BCAS3: variants seen among roughly 807,000 people sequenced by gnomAD.
The protein encoded by BCAS3 is BCAS3 microtubule associated cell migration factor, also known as BCAS4/BCAS3 fusion.
In BCAS3, 53 loss-of-function variants were observed where a neutral mutation model predicts 116.1. The observed-to-expected ratio is 0.46, with a 90% confidence interval of 0.37 to 0.57. BCAS3 has a LOEUF of 0.57. Among genes scored for constraint, BCAS3 ranks in the 20% least tolerant of loss-of-function variants. BCAS3 has a pLI of 0.00. For synonymous variants in BCAS3, 391 were observed against 408.2 expected, an observed-to-expected ratio of 0.96 and a Z score of 0.51; for missense variants, 917 against 1,165.4, an observed-to-expected ratio of 0.79 and a Z score of 3.10.
chr17:61,299,383 C>T (rs1346715701), intron 22 of BCAS3, among the ~76,000 whole-genome samples: 1 of 133,772 alleles, frequency 7.5e-6, no homozygotes, highest in Admixed American at 9.1e-5. Flanking sequence ...GCGGAGCTTG[C>T]AGTGAGCTGA....
chr17:61,223,107 T>C lies in BCAS3; in HGVS notation c.2425+138543T>C, dbSNP rs527783102. ...GTTGGTAATTGTGGAATGCATTTCCTACAAATATTAATTTTACTTTCAATA... is the reference window on the plus strand; with the variant it reads ...GTTGGTAATTGTGGAATGCATTTCCCACAAATATTAATTTTACTTTCAATA... On this transcript the variant is annotated intron_variant, in intron 22 of 23. Coordinates refer to ENST00000407086, the MANE Select transcript of BCAS3 (RefSeq NM_017679.5). 3.7e-3 allele frequency among the ~76,000 whole-genome samples: 548 copies of C among 150,024 alleles called. 4 individuals are homozygous for C. Among genetic ancestry groups the C allele is most frequent in the African/African-American group, 0.013 (518 of 40,996 alleles).
At chr17:61,240,894 G>A (rs1216772020) in intron 22 of BCAS3, among the ~76,000 whole-genome samples, 2 of 152,086 alleles carry the variant, frequency 1.3e-5, no homozygotes, top group Non-Finnish European at 2.9e-5. Context: ...AAGGTACCAA[G>A]GGCTGTTATT....
chr17:60,825,747 A>C (rs754754894), intron 7 of BCAS3, among the ~76,000 whole-genome samples: 1 of 151,258 alleles, frequency 6.6e-6, no homozygotes, highest in Non-Finnish European at 1.5e-5. Flanking sequence ...GTTCTCTGCA[A>C]CCTCTTTTGT....
At chr17:60,846,062 G>A (rs1201928241) in intron 7 of BCAS3, among the ~76,000 whole-genome samples, 1 of 151,776 alleles carries the variant, frequency 6.6e-6, no homozygotes, top group African/African-American at 2.4e-5. Flanking sequence ...CTGAGTAGCT[G>A]GGACCGTAGA....
chr17:60,827,054 A>G (rs1639808761), intron 7 of BCAS3, among the ~76,000 whole-genome samples: 1 of 152,224 alleles, frequency 6.6e-6, no homozygotes, highest in South Asian at 2.1e-4. Context: ...CATGGATGAA[A>G]ATATAGAATA....
At chr17:61,157,422 A>G (rs559743661) in intron 22 of BCAS3, 2 of 152,278 alleles carry the variant, frequency 1.3e-5, no homozygotes, top group East Asian at 1.9e-4. Flanking sequence ...CAGGAGTGCT[A>G]TCTGTGGAAG....
chr17:60,909,746 A>G (rs2058388526), intron 11 of BCAS3, among the ~76,000 whole-genome samples: 1 of 152,174 alleles, frequency 6.6e-6, no homozygotes, highest in Admixed American at 6.5e-5. Flanking sequence ...GCATATGAAG[A>G]TAATCAGAGG....
intron 5 of BCAS3, among the ~76,000 whole-genome samples, chr17:60,714,935 C>T (rs1049263380): frequency 1.3e-5 from 2 of 151,998 alleles, no homozygotes; most frequent in Admixed American, 6.6e-5. Flanking sequence ...GTTATGTGGG[C>T]GTTCCAGATA....
chr17:61,223,640 A>G (rs2082232580), intron 22 of BCAS3, among the ~76,000 whole-genome samples: 1 of 152,184 alleles, frequency 6.6e-6, no homozygotes. Flanking sequence ...TAGCTAAAAG[A>G]TATCTTTAAC....
chr17:61,228,492 G>A lies in BCAS3; in HGVS notation c.2426-139835G>A, dbSNP rs1274146946. Among the ~76,000 whole-genome samples the A allele has an allele frequency of 6.6e-6, 1 of 152,086 alleles. No individual in the cohort carries two copies. The highest frequency in any genetic ancestry group is 1.5e-5 in the Non-Finnish European group (1 of 68,016). On this transcript the variant is annotated intron_variant, in intron 22 of 23. Transcript: ENST00000407086. The surrounding 1 kb of genome is among the most constrained non-coding windows in gnomAD (Gnocchi z 5.0). ...ATTTTTTACAAATTGAAGATTTGTG[G>A]CAACTGTGTTAAGTGTGTAGACATC...
intron 22 of BCAS3, among the ~76,000 whole-genome samples, chr17:61,177,142 C>T (rs958238821): frequency 6.6e-6 from 1 of 152,164 alleles, no homozygotes; most frequent in African/African-American, 2.4e-5. Flanking sequence ...AAACTCCTTG[C>T]TAGTTTCTTA....
At position 61,021,686 on chromosome 17, in the gene BCAS3, AAGCATAGAT is replaced by A. The variant is rs2065888388; in HGVS notation, c.1637+5786_1637+5794del. Among the ~76,000 whole-genome samples the A allele has an allele frequency of 6.6e-6, 1 of 152,234 alleles. No homozygotes were observed. The highest frequency in any genetic ancestry group is 6.5e-5 in the Admixed American group (1 of 15,282). On this transcript the variant is annotated intron_variant, in intron 16 of 23. Coordinates refer to ENST00000407086, the MANE Select transcript of BCAS3 (RefSeq NM_017679.5). The surrounding 1 kb of genome is among the most constrained non-coding windows in gnomAD (Gnocchi z 4.6). Reference sequence around the variant, plus strand: ...CTGATGGGCTCAGGCCCCACTTAGAAAGCATAGATGCTTTTAAATGATATTAAATGGAAG... The same window carrying A: ...CTGATGGGCTCAGGCCCCACTTAGAAGCTTTTAAATGATATTAAATGGAAG...
Position 61,029,288 on chromosome 17 carries a change from C to T in BCAS3, c.1638-5378C>T, listed in dbSNP as rs2066466560. On this transcript the variant is annotated intron_variant, in intron 16 of 23. Transcript: ENST00000407086. The surrounding 1 kb of genome is among the most constrained non-coding windows in gnomAD (Gnocchi z 5.2). Reference sequence around the variant, plus strand: ...TCCATTAAACAGGTTTAGTCCTTTACATTCATATACTTTCAGATGAGTCGT... The same window carrying T: ...TCCATTAAACAGGTTTAGTCCTTTATATTCATATACTTTCAGATGAGTCGT... Among the ~76,000 whole-genome samples the T allele has an allele frequency of 6.6e-6, 1 of 151,894 alleles. No individual in the cohort carries two copies. The highest frequency in any genetic ancestry group is 2.4e-5 in the African/African-American group (1 of 41,420).
chr17:60,940,666 G>A (rs1350791213), intron 13 of BCAS3, among the ~76,000 whole-genome samples: 1 of 152,156 alleles, frequency 6.6e-6, no homozygotes, highest in Non-Finnish European at 1.5e-5. Flanking sequence ...TAATTGAAAA[G>A]TATTACATGA....
intron 19 of BCAS3, among the ~76,000 whole-genome samples, chr17:61,064,634 T>C (rs1346951993): frequency 6.6e-6 from 1 of 152,152 alleles, no homozygotes; most frequent in Non-Finnish European, 1.5e-5. Context: ...GTTGTCAGTT[T>C]TTCAGTGAAA....
At chr17:61,043,284 C>T (rs1485064503) in intron 19 of BCAS3, among the ~76,000 whole-genome samples, 1 of 151,984 alleles carries the variant, frequency 6.6e-6, no homozygotes, top group East Asian at 1.9e-4. Flanking sequence ...ATGAGAATTG[C>T]TTGAACCTGG....
Position 61,388,607 on chromosome 17 carries a change from C to G in BCAS3, c.2594-3370C>G. ...TCCAAAAAGATTCCTCAATGCTTTT[C>G]TTTTCAAAAGGGAAAAAAAAAGGAA... On this transcript the variant is annotated intron_variant, in intron 23 of 23. Transcript: ENST00000407086. This position sits in a 1 kb window ranked among gnomAD's most constrained non-coding sequence, Gnocchi z 6.5. 1 of 1,531,450 alleles carries G rather than the reference C, an allele frequency of 6.5e-7. No homozygotes were observed. Among genetic ancestry groups the G allele is most frequent in the Non-Finnish European group, 8.7e-7 (1 of 1,145,558 alleles). 94.9% of individuals were successfully genotyped at this position (1,531,450 alleles called of 1,614,324 possible). A position where few individuals can be genotyped will look rare whatever the true frequency, so the allele number is the denominator to read the frequency against.
intron 13 of BCAS3, among the ~76,000 whole-genome samples, chr17:60,941,292 G>A (rs982797742): frequency 3.9e-5 from 6 of 152,288 alleles, no homozygotes; most frequent in Non-Finnish European, 5.9e-5. Context: ...CATTTGGGGC[G>A]TGGGTTTAGT....
intron 15 of BCAS3, among the ~76,000 whole-genome samples, chr17:60,999,367 G>A (rs757668357): frequency 6.6e-6 from 1 of 151,714 alleles, no homozygotes; most frequent in Non-Finnish European, 1.5e-5. Context: ...GTGAAACCCC[G>A]TCTCTACTAA....
Sources: gnomAD v4.1 joint callset for allele counts (sites outside exome capture counted in the v4.1 genomes callset) on GRCh38, gnomAD v4.1.1 for gene constraint, Gnocchi (gnomAD v3.1) non-coding constraint, MANE v1.5 for transcripts, NCBI Gene and HGNC (gene_info 2026-07-23, HGNC 2026-07-21) for gene names.